The following ATRX variants were observed in gnomAD, a reference collection of about 807,000 sequenced individuals.
ATRX encodes chromatin remodeler ATRX.
ATRX carries 12 observed loss-of-function variants against 172.6 expected under a neutral mutation model. That is an observed-to-expected ratio of 0.07 (90% CI 0.04 to 0.11). The LOEUF is 0.11. ATRX is among the 10% of genes least tolerant of loss of function. ATRX has a pLI of 1.00. For missense variants in ATRX, 1,368 were observed against 1,767.4 expected (o/e 0.77, Z 4.05); for synonymous variants, 674 against 594.7 (o/e 1.13, Z -1.94).
At chrX:77,718,437 G>C (rs2073563817) in intron 1 of ATRX, among the ~76,000 whole-genome samples, 1 of 102,712 alleles carries the variant, frequency 9.7e-6, no homozygotes, top group African/African-American at 3.6e-5. Context: ...GCAGTGGCGT[G>C]ATCTTGGCTC....
intron 28 of ATRX, among the ~76,000 whole-genome samples, chrX:77,562,984 A>G (rs2147971362): frequency 8.9e-6 from 1 of 112,753 alleles, no homozygotes; most frequent in South Asian, 3.6e-4. Context: ...AGTTCTTTAT[A>G]CATTCTGAAT....
At chrX:77,717,428 A>T (rs189717179) in intron 1 of ATRX, among the ~76,000 whole-genome samples, 185 bp from the exon 2 acceptor site, 81 of 110,433 alleles carry the variant, frequency 7.3e-4, no homozygotes, top group African/African-American at 1.4e-3. Context: ...AAAGAAAACG[A>T]ATTTTAGGCC....
chrX:77,607,252 C>G (rs2066947024), intron 22 of ATRX, among the ~76,000 whole-genome samples: 1 of 111,871 alleles, frequency 8.9e-6, no homozygotes, highest in African/African-American at 3.2e-5. Flanking sequence ...ACTAAAGACT[C>G]CACCAAAAAA....
chrX:77,545,929 CAAG>C (rs1557053184), intron 30 of ATRX, among the ~76,000 whole-genome samples: 1 of 111,039 alleles, frequency 9.0e-6, no homozygotes, highest in African/African-American at 3.3e-5. Context: ...CAAAGACAAT[CAAG>C]GAGGACTAGG....
intron 27 of ATRX, among the ~76,000 whole-genome samples, chrX:77,587,434 C>A (rs2066067808): frequency 9.0e-6 from 1 of 111,345 alleles, no homozygotes; most frequent in Non-Finnish European, 1.9e-5. Context: ...TCATGACAAA[C>A]ACATTTAACA....
intron 1 of ATRX, among the ~76,000 whole-genome samples, chrX:77,744,702 T>A (rs893980448): frequency 1.8e-5 from 2 of 110,696 alleles, no homozygotes; most frequent in Non-Finnish European, 3.8e-5. Context: ...TAAAAAAAAA[T>A]TCTGACCAGG....
Position 77,507,682 on chromosome X carries a change from G to A in ATRX, c.*669C>T, listed in dbSNP as rs782129238. On this transcript the variant is annotated 3_prime_UTR_variant, in exon 35 of 35. Transcript: ENST00000373344. ...AGAAGAAAAAGGAATTCTCTTCTTA[G>A]GCTATACTTAAGGCTGTTTATACAA... The A allele has an allele frequency of 5.7e-6, 1 of 174,132 alleles. No individual in the cohort carries two copies. Among genetic ancestry groups the A allele is most frequent in the Non-Finnish European group, 1.1e-5 (1 of 91,235 alleles). 14.4% of individuals were successfully genotyped at this position (174,132 alleles called of 1,213,427 possible). A position where few individuals can be genotyped will look rare whatever the true frequency, so the allele number is the denominator to read the frequency against.
intron 1 of ATRX, among the ~76,000 whole-genome samples, chrX:77,729,204 A>G (rs782326313): frequency 9.0e-6 from 1 of 111,225 alleles, no homozygotes; most frequent in South Asian, 3.8e-4. Context: ...AAGTCATACA[A>G]TATCATACCA....
chrX:77,631,446 G>C (rs2068103727), intron 19 of ATRX, among the ~76,000 whole-genome samples: 1 of 110,822 alleles, frequency 9.0e-6, no homozygotes, highest in Non-Finnish European at 1.9e-5. Context: ...ATGAGGGACA[G>C]GTAAAAGTAG....
intron 27 of ATRX, among the ~76,000 whole-genome samples, chrX:77,582,269 G>A (rs782134356): frequency 1.8e-4 from 20 of 109,407 alleles, no homozygotes; most frequent in Non-Finnish European, 3.4e-4. Context: ...GCATGGTGGC[G>A]GGCGCCTGTA....
chrX:77,535,806 C>T (rs1221090310), intron 30 of ATRX, among the ~76,000 whole-genome samples: 1 of 109,129 alleles, frequency 9.2e-6, no homozygotes, highest in Non-Finnish European at 1.9e-5. Context: ...CAACCTCTGC[C>T]TCCTGGGTAC....
At chrX:77,644,719 GA>G (rs200925179) in intron 15 of ATRX, among the ~76,000 whole-genome samples, 11 of 100,501 alleles carry the variant, frequency 1.1e-4, no homozygotes, top group Non-Finnish European at 1.4e-4. Flanking sequence ...ATCAAAAAGG[GA>G]AAAAAAAAAA....
intron 9 of ATRX, 138 bp downstream of exon 9, chrX:77,681,382 T>TA: frequency 1.7e-6 from 1 of 586,531 alleles, no homozygotes; most frequent in East Asian, 3.6e-5. Flanking sequence ...CTTTTTTTAA[T>TA]AAACTCCTAA....
chrX:77,575,293 T>C (rs976832490), intron 27 of ATRX, among the ~76,000 whole-genome samples: 4 of 110,192 alleles, frequency 3.6e-5, no homozygotes, highest in South Asian at 3.8e-4. Flanking sequence ...TTCACTGATA[T>C]AGAAAACCCA....
intron 1 of ATRX, among the ~76,000 whole-genome samples, chrX:77,776,815 AAT>A (rs1410675334): frequency 9.0e-6 from 1 of 111,592 alleles, no homozygotes; most frequent in Non-Finnish European, 1.9e-5. Context: ...CAAGTGGTGA[AAT>A]GAGGTAGCTG....
intron 2 of ATRX, among the ~76,000 whole-genome samples, chrX:77,707,319 C>T (rs782359317): frequency 8.9e-6 from 1 of 112,081 alleles, no homozygotes; most frequent in African/African-American, 3.2e-5. Context: ...TTTTACTTAA[C>T]GTTACAGGAC....
chrX:77,731,416 T>G (rs911780424), intron 1 of ATRX, among the ~76,000 whole-genome samples: 1 of 111,658 alleles, frequency 9.0e-6, no homozygotes, highest in African/African-American at 3.3e-5. Flanking sequence ...AAAGAAGATC[T>G]AATACTGATA....
intron 1 of ATRX, among the ~76,000 whole-genome samples, chrX:77,749,440 A>G (rs1401097564): frequency 1.8e-5 from 2 of 111,434 alleles, no homozygotes; most frequent in African/African-American, 6.5e-5. Flanking sequence ...TCTTTTTGAC[A>G]TAATAATTTA....
At chrX:77,717,500 G>A (rs1303144288) in intron 1 of ATRX, among the ~76,000 whole-genome samples, 7 of 109,515 alleles carry the variant, frequency 6.4e-5, no homozygotes, top group African/African-American at 2.3e-4. Context: ...CTACTCAGGA[G>A]GCTGAGGTGG....
Sources: gnomAD v4.1 joint callset for allele counts (sites outside exome capture counted in the v4.1 genomes callset) on GRCh38, gnomAD v4.1.1 for gene constraint, MANE v1.5 for transcripts, NCBI Gene and HGNC (gene_info 2026-07-23, HGNC 2026-07-21) for gene names.